Variants in GET3 observed in about 807,000 individuals in gnomAD.
The protein encoded by GET3 is ATPase GET3.
In GET3, 15 loss-of-function variants were observed where a neutral mutation model predicts 32.4. That is an observed-to-expected ratio of 0.46 (90% CI 0.31 to 0.71). The LOEUF is 0.71. GET3 is among the 30% of genes least tolerant of loss of function. The pLI, the probability that GET3 is intolerant of heterozygous loss-of-function variation, is 0.05. For missense variants in GET3, 333 were observed against 459.0 expected (o/e 0.73, Z 2.51); for synonymous variants, 198 against 185.6 (o/e 1.07, Z -0.54).
At chr19:12,738,684 A>G in intron 2 of GET3, 26 bp downstream of exon 2, 3 of 1,613,804 alleles carry the variant, frequency 1.9e-6, no homozygotes, top group Non-Finnish European at 2.5e-6. Flanking sequence ...CTTAGCCCCC[A>G]CTTCTGGGAA....
In GET3 at chr19:12,745,801, G is replaced by A; in HGVS notation, c.609+42G>A. 9 of 1,562,108 alleles carry A rather than the reference G, an allele frequency of 5.8e-6. No homozygotes were observed. The highest frequency in any genetic ancestry group is 7.8e-6 in the Non-Finnish European group (9 of 1,157,422). ...CCCACCTGCACCATCCAGGCAGCCG[G>A]GAGTGGGAGTAGGCCCGGGCCCCCA... On this transcript the variant is annotated intron_variant, in intron 4 of 6. Transcript: ENST00000357332. This position sits in a 1 kb window ranked among gnomAD's most constrained non-coding sequence, Gnocchi z 5.0.
intron 2 of GET3, among the ~76,000 whole-genome samples, chr19:12,744,422 C>T (rs555489319): frequency 6.6e-6 from 1 of 151,764 alleles, no homozygotes; most frequent in South Asian, 2.1e-4. Flanking sequence ...CGGGTTCAAG[C>T]GATTCCCCTG....
Position 12,737,529 on chromosome 19 carries a change from G to C in GET3, c.24G>C (p.Trp8Cys). 6.4e-7 allele frequency: 1 copy of C among 1,573,852 alleles called. No individual in the cohort carries two copies. The change falls in exon 1 of 7, where the codon TGG (tryptophan) becomes TGC (cysteine). Residue 8 changes from tryptophan (W) to cysteine (C), a missense_variant. Transcript: ENST00000357332. ...AAATGGCGGCAGGGGTGGCCGGGTGGGGGGTTGAGGCAGAGGAGTTCGAAG... is the reference window on the plus strand; with the variant it reads ...AAATGGCGGCAGGGGTGGCCGGGTGCGGGGTTGAGGCAGAGGAGTTCGAAG... MAAGVAG[W>C]GVEAEEFEDA...
intron 2 of GET3, among the ~76,000 whole-genome samples, chr19:12,740,843 C>G (rs370956471): frequency 3.3e-5 from 5 of 152,108 alleles, no homozygotes; most frequent in Non-Finnish European, 5.9e-5. Flanking sequence ...GGGCACTTCC[C>G]GGGCAGAGAT....
chr19:12,737,304 C>A (rs955346060), upstream of GET3: 2 of 724,048 alleles, frequency 2.8e-6, no homozygotes, highest in Admixed American at 3.8e-5. Context: ...TAGGGGGAAC[C>A]CTTGGAAAAT....
chr19:12,742,203 C>T (rs1372019800), intron 2 of GET3, among the ~76,000 whole-genome samples: 6 of 150,092 alleles, frequency 4.0e-5, no homozygotes, highest in Admixed American at 4.0e-4. Context: ...GAGTTTGAGG[C>T]TGCAATGAGC....
Position 12,745,690 on chromosome 19 carries a change from C to T in GET3, c.540C>T (p.Pro180=), listed in dbSNP as rs1260280981. 1.2e-6 allele frequency: 2 copies of T among 1,613,078 alleles called. No individual in the cohort carries two copies. The highest frequency in any genetic ancestry group is 1.3e-5 in the African/African-American group (1 of 75,022). Residue 180 remains proline, a synonymous_variant, in exon 4 of 7, where the codon CCC becomes CCT. Coordinates refer to ENST00000357332, the MANE Select transcript of GET3 (RefSeq NM_004317.4). The surrounding 1 kb of genome is among the most constrained non-coding windows in gnomAD (Gnocchi z 5.0). ...TGHTLRLLNF[P]TIVERGLGRL... is the part of the protein sequence containing the mutation. ...ACACCCTGAGGCTGCTCAACTTCCCCACCATCGTGGAGCGGGGCCTGGGCC... is the reference window on the plus strand; with the variant it reads ...ACACCCTGAGGCTGCTCAACTTCCCTACCATCGTGGAGCGGGGCCTGGGCC...
At position 12,747,218 on chromosome 19, in the gene GET3, G is replaced by A. The variant is rs1967788981; in HGVS notation, c.631G>A (p.Gly211Arg). Reference protein sequence around the residue: ...ISQMCNMLGLGDMNADQLASK... With the variant: ...ISQMCNMLGLRDMNADQLASK... The stretch of plus-strand genomic sequence containing the variant: ...GCAGATGTGCAACATGCTGGGCCTG[G>A]GGGACATGAACGCAGACCAGCTGGC... Residue 211 changes from glycine to arginine, a missense_variant, in exon 5 of 7, where the codon GGG becomes AGG. Gly to Arg is a moderately radical substitution (Grantham distance 125). This residue lies in a region of GET3 where 230 missense variants were observed against 389.2 expected (regional missense o/e 0.59). Coordinates refer to ENST00000357332, the MANE Select transcript of GET3 (RefSeq NM_004317.4). This position sits in a 1 kb window ranked among gnomAD's most constrained non-coding sequence, Gnocchi z 4.0. 1 of 1,609,384 alleles carries A rather than the reference G, an allele frequency of 6.2e-7. No individual in the cohort carries two copies. Among genetic ancestry groups the A allele is most frequent in the Non-Finnish European group, 8.5e-7 (1 of 1,177,740 alleles).
At chr19:12,740,761 T>C (rs576772309) in intron 2 of GET3, among the ~76,000 whole-genome samples, 1 of 152,114 alleles carries the variant, frequency 6.6e-6, no homozygotes, top group African/African-American at 2.4e-5. Context: ...TGGGATGAGC[T>C]CCATCCAGCA....
At chr19:12,737,699 G>A in intron 1 of GET3, 33 bp downstream of exon 1, 2 of 1,593,774 alleles carry the variant, frequency 1.3e-6, no homozygotes, top group Admixed American at 3.5e-5. Flanking sequence ...CAGGAGGCGT[G>A]TAGGATATAC....
At chr19:12,740,626 G>A (rs1331754921) in intron 2 of GET3, among the ~76,000 whole-genome samples, 4 of 152,116 alleles carry the variant, frequency 2.6e-5, no homozygotes, top group Admixed American at 1.3e-4. Context: ...GCAGTGAGCC[G>A]AGATCGCGCC....
chr19:12,737,202 GA>G, upstream of GET3: 1 of 259,704 alleles, frequency 3.9e-6, no homozygotes, highest in Non-Finnish European at 7.3e-6. Flanking sequence ...GTGTAAGTAA[GA>G]AAAGACATAG....
intron 1 of GET3, 137 bp from the exon 2 acceptor site, chr19:12,738,374 A>G: frequency 9.3e-7 from 1 of 1,069,594 alleles, no homozygotes; most frequent in Non-Finnish European, 1.3e-6. Flanking sequence ...GCTCAATCCC[A>G]CCATAACCCA....
At chr19:12,741,593 T>C (rs1967670411) in intron 2 of GET3, among the ~76,000 whole-genome samples, 1 of 151,430 alleles carries the variant, frequency 6.6e-6, no homozygotes, top group Admixed American at 6.6e-5. Flanking sequence ...ACCCCGTCTC[T>C]ACTAAAAATA....
At position 12,747,009 on chromosome 19, in the gene GET3, CAAA is replaced by C. The variant is rs764695800; in HGVS notation, c.610-174_610-172del. On this transcript the variant is annotated intron_variant, in intron 4 of 6. Transcript: ENST00000357332. This position sits in a 1 kb window ranked among gnomAD's most constrained non-coding sequence, Gnocchi z 4.0. ...TGGGCAACAGAGTGAGACTCCATTTCAAAAAAAAAAAAAAAAGAAAGAAAGAAA... is the reference window on the plus strand; with the variant it reads ...TGGGCAACAGAGTGAGACTCCATTTCAAAAAAAAAAAAAGAAAGAAAGAAA... Among the ~76,000 whole-genome samples, 1 of 108,554 alleles carries C rather than the reference CAAA, an allele frequency of 9.2e-6. No homozygotes were observed. The allele number at this position is 108,554 out of a possible 152,430, so 71.2% of individuals were successfully genotyped here.
chr19:12,738,012 C>T (rs1244462226), intron 1 of GET3, among the ~76,000 whole-genome samples: 1 of 152,034 alleles, frequency 6.6e-6, no homozygotes, highest in African/African-American at 2.4e-5. Flanking sequence ...GTTTGGTGAA[C>T]CTTGGTGTTT....
rs8177475 is a variant in GET3 at position 12,744,389 on chromosome 19, G to A, written c.310-988G>A. ...GGCTGGAGTGTAATGGCGTGATCTC[G>A]GCTCACTGTAACCTCTGCCTCCCGG... On this transcript the variant is annotated intron_variant, in intron 2 of 6. Transcript: ENST00000357332. 8.4e-3 allele frequency among the ~76,000 whole-genome samples: 1,272 copies of A among 151,778 alleles called. 22 individuals carry two copies. The highest frequency in any genetic ancestry group is 0.029 in the African/African-American group (1,197 of 41,372).
Position 12,747,641 on chromosome 19 carries a change from T to TTA in GET3, c.915+51_915+52dup. The TTA allele has an allele frequency of 1.9e-6, 3 of 1,579,712 alleles. No homozygotes were observed. The highest frequency in any genetic ancestry group is 2.6e-6 in the Non-Finnish European group (3 of 1,162,170). ...GCTCAGCAGAGGCACCTCTGCCCCT[T>TTA]TATTCTCTGATCTTTTGCTCCACCA... On this transcript the variant is annotated intron_variant, in intron 6 of 6. Transcript: ENST00000357332. This position sits in a 1 kb window ranked among gnomAD's most constrained non-coding sequence, Gnocchi z 4.0.
At chr19:12,742,851 C>T (rs1464659018) in intron 2 of GET3, among the ~76,000 whole-genome samples, 2 of 151,664 alleles carry the variant, frequency 1.3e-5, no homozygotes, top group Non-Finnish European at 2.9e-5. Context: ...CCGGCCAAGA[C>T]GCTATCTCTA....
Sources: allele counts gnomAD v4.1 joint callset (sites outside exome capture counted in the v4.1 genomes callset), GRCh38; gene constraint gnomAD v4.1.1; regional missense constraint gnomAD v4.1.1; non-coding constraint Gnocchi (gnomAD v3.1); transcripts MANE v1.5; gene names NCBI Gene and HGNC (gene_info 2026-07-23, HGNC 2026-07-21).